Variants in ARHGAP23 observed in about 807,000 individuals in gnomAD.
The protein encoded by ARHGAP23 is rho GTPase-activating protein 23.
A neutral mutation model predicts 136.3 loss-of-function variants in ARHGAP23; 34 were observed. The ratio of observed to expected loss-of-function variants is 0.25; its 90% CI spans 0.19 to 0.33. The LOEUF is 0.33. Ranked by LOEUF, ARHGAP23 falls within the 10% of genes least tolerant of loss-of-function variation. The probability of loss-of-function intolerance (pLI) is 1.00; values close to 1 mark genes in which losing one functional copy is unlikely to be tolerated. For synonymous variants in ARHGAP23, 832 were observed against 920.5 expected (o/e 0.90, Z 1.74); for missense variants, 1,808 against 2,139.0 (o/e 0.85, Z 3.05).
At chr17:38,442,792 T>C (rs1203419025) in intron 1 of ARHGAP23, among the ~76,000 whole-genome samples, 1 of 151,998 alleles carries the variant, frequency 6.6e-6, no homozygotes. Flanking sequence ...GTGTGGTGAG[T>C]GTGGGGGCCA....
At chr17:38,506,489 C>T (rs2144816264) in intron 23 of ARHGAP23, among the ~76,000 whole-genome samples, 2 of 152,272 alleles carry the variant, frequency 1.3e-5, no homozygotes, top group Middle Eastern at 3.4e-3. Flanking sequence ...CTAGGTGCCT[C>T]AGACAACAGA....
At chr17:38,498,724 G>T (rs891118121) in intron 22 of ARHGAP23, among the ~76,000 whole-genome samples, 2 of 152,158 alleles carry the variant, frequency 1.3e-5, no homozygotes, top group Admixed American at 6.5e-5. Flanking sequence ...CAGCTGCCCC[G>T]CCCCGGGCAG....
rs2040154514 is a variant in ARHGAP23 at position 38,486,151 on chromosome 17, G to A, written c.2986+11G>A. ...CTCTTTTCACTGATGGTGAGTAGGA[G>A]GTGGAAGTGGGGCGGGGAGGGGACA... On this transcript the variant is annotated intron_variant, in intron 17 of 23. Transcript: ENST00000622683. The A allele has an allele frequency of 1.3e-6, 2 of 1,549,988 alleles. No homozygotes were observed. The highest frequency in any genetic ancestry group is 1.7e-6 in the Non-Finnish European group (2 of 1,145,724).
At chr17:38,473,743 C>T (rs2039821835) in intron 11 of ARHGAP23, among the ~76,000 whole-genome samples, 1 of 151,846 alleles carries the variant, frequency 6.6e-6, no homozygotes, top group Non-Finnish European at 1.5e-5. Context: ...TGAGAAGCCA[C>T]AAAACTGGGA....
chr17:38,476,559 G>A (rs992567725), intron 11 of ARHGAP23, among the ~76,000 whole-genome samples: 1 of 152,084 alleles, frequency 6.6e-6, no homozygotes, highest in African/African-American at 2.4e-5. Context: ...TGGGGGTGCC[G>A]GGCTGTGGCT....
At chr17:38,446,688 T>C (rs1372229419) in intron 1 of ARHGAP23, among the ~76,000 whole-genome samples, 1 of 151,794 alleles carries the variant, frequency 6.6e-6, no homozygotes, top group African/African-American at 2.4e-5. Flanking sequence ...CTTGGCTCAC[T>C]GCAACCTCCG....
intron 1 of ARHGAP23, among the ~76,000 whole-genome samples, chr17:38,432,361 AC>A (rs1197767435): frequency 6.6e-6 from 1 of 152,098 alleles, no homozygotes; most frequent in Non-Finnish European, 1.5e-5. Context: ...ACACAAGGAG[AC>A]CCAATACCTA....
intron 6 of ARHGAP23, 144 bp downstream of exon 6, chr17:38,463,526 G>T: frequency 2.0e-6 from 2 of 986,804 alleles, no homozygotes; most frequent in South Asian, 3.0e-5. Context: ...CTGGGCTGGG[G>T]CTGGTTGTTG....
intron 23 of ARHGAP23, chr17:38,501,064 A>G (rs2040507776): frequency 6.3e-6 from 1 of 157,968 alleles, no homozygotes; most frequent in Admixed American, 6.5e-5. Flanking sequence ...ATATCCTTTA[A>G]GGTCTTTGGA....
intron 6 of ARHGAP23, among the ~76,000 whole-genome samples, chr17:38,465,829 A>G (rs559028489): frequency 1.3e-5 from 2 of 151,980 alleles, no homozygotes; most frequent in African/African-American, 4.8e-5. Flanking sequence ...ATTGGTGGAC[A>G]TAAGGGGGCA....
rs1173700130 is a variant in ARHGAP23, at chr17:38,467,017, G to A, written c.1334G>A (p.Gly445Glu). 1 of 1,550,710 alleles carries A rather than the reference G, an allele frequency of 6.4e-7. No individual in the cohort carries two copies. Among genetic ancestry groups the A allele is most frequent in the Non-Finnish European group, 8.7e-7 (1 of 1,146,978 alleles). Residue 445 changes from glycine to glutamate, a missense_variant, in exon 7 of 24, where the codon GGG becomes GAG. Gly to Glu is a moderately conservative substitution (Grantham distance 98, BLOSUM62 -2). Transcript: ENST00000622683. ...ALSFRDSPFG[G>E]LPTFNLAQSP... ...TCCTTCCGGGACTCACCCTTTGGGGGGCTGCCTACCTTCAACCTGGCCCAG... is the reference window on the plus strand; with the variant it reads ...TCCTTCCGGGACTCACCCTTTGGGGAGCTGCCTACCTTCAACCTGGCCCAG...
At position 38,490,163 on chromosome 17, in the gene ARHGAP23, G is replaced by T. The variant is rs750268208; in HGVS notation, c.3048G>T (p.Thr1016=). Residue 1016 remains threonine, a synonymous_variant, in exon 18 of 24, where the codon ACG becomes ACT. Coordinates refer to ENST00000622683, the MANE Select transcript of ARHGAP23 (RefSeq NM_001199417.2). The stretch of plus-strand genomic sequence containing the variant: ...AGGACGCGCGGGAGCGAATGAGGAC[G>T]CTGCGGAAGCTGGTAAGGAGAGAGA... ...RIEDARERMR[T]LRKLIRDLPG... The T allele has an allele frequency of 3.2e-6, 5 of 1,551,544 alleles. No homozygotes were observed. Among genetic ancestry groups the T allele is most frequent in the South Asian group, 1.2e-5 (1 of 84,060 alleles).
intron 16 of ARHGAP23, among the ~76,000 whole-genome samples, chr17:38,485,822 G>A (rs1397415662): frequency 6.6e-6 from 1 of 152,212 alleles, no homozygotes; most frequent in Non-Finnish European, 1.5e-5. Flanking sequence ...TGTGCATGGG[G>A]AGGTGTTGGA....
chr17:38,482,435 C>T, intron 15 of ARHGAP23, 88 bp from the exon 16 acceptor site: 5 of 1,253,270 alleles, frequency 4.0e-6, no homozygotes, highest in Non-Finnish European at 5.4e-6. Flanking sequence ...TTCCTGGCAG[C>T]AGCTCTGGGC....
At chr17:38,492,277 A>G (rs2144759214) in intron 20 of ARHGAP23, among the ~76,000 whole-genome samples, 1 of 152,342 alleles carries the variant, frequency 6.6e-6, no homozygotes, top group African/African-American at 2.4e-5. Flanking sequence ...TATGAATCGT[A>G]GATTTTCCAT....
At chr17:38,432,198 T>TA (rs2038700493) in intron 1 of ARHGAP23, among the ~76,000 whole-genome samples, 1 of 152,294 alleles carries the variant, frequency 6.6e-6, no homozygotes, top group South Asian at 2.1e-4. Flanking sequence ...CCATAGTGCT[T>TA]ACCACTATGT....
chr17:38,480,409 G>A lies in ARHGAP23; in HGVS notation c.2629+526G>A, dbSNP rs560277077. 5.3e-5 allele frequency among the ~76,000 whole-genome samples: 8 copies of A among 152,214 alleles called. No homozygotes were observed. The South Asian group carries it at 1.0e-3, about 20-fold the overall frequency. ...AGCACTTTGGGAGGCCGAGGTGGGC[G>A]GATCACGAGGTCAGGAGATCGAGAC... On this transcript the variant is annotated intron_variant, in intron 14 of 23. Transcript: ENST00000622683.
At chr17:38,465,230 G>A (rs534340279) in intron 6 of ARHGAP23, among the ~76,000 whole-genome samples, 18 of 150,930 alleles carry the variant, frequency 1.2e-4, no homozygotes, top group East Asian at 3.9e-4. Flanking sequence ...CTGAGTGTGC[G>A]GGGGTGTGGT....
intron 11 of ARHGAP23, among the ~76,000 whole-genome samples, chr17:38,476,314 C>T (rs564658829): frequency 2.0e-5 from 3 of 152,122 alleles, no homozygotes; most frequent in Admixed American, 6.5e-5. Context: ...AAGACAGAGA[C>T]GGGATGTTTT....
Sources: allele counts gnomAD v4.1 joint callset (sites outside exome capture counted in the v4.1 genomes callset), GRCh38; gene constraint gnomAD v4.1.1; transcripts MANE v1.5; gene names NCBI Gene and HGNC (gene_info 2026-07-23, HGNC 2026-07-21).